Variants in MARCHF1 observed in about 807,000 individuals in gnomAD.
MARCHF1 encodes the protein membrane associated ring-CH-type finger 1.
MARCHF1 carries 40 observed loss-of-function variants against 54.2 expected under a neutral mutation model. The ratio of observed to expected loss-of-function variants is 0.74; its 90% CI spans 0.57 to 0.96. MARCHF1 has a LOEUF of 0.96. Among genes scored for constraint, MARCHF1 ranks in the 40% least tolerant of loss-of-function variants. MARCHF1 has a pLI of 0.00. For missense variants in MARCHF1, 586 were observed against 656.5 expected, an observed-to-expected ratio of 0.89 and a Z score of 1.17; for synonymous variants, 236 against 236.3, an observed-to-expected ratio of 1.00 and a Z score of 0.01.
chr4:164,140,579 A>T (rs1400090640), intron 1 of MARCHF1, among the ~76,000 whole-genome samples: 1 of 152,082 alleles, frequency 6.6e-6, no homozygotes, highest in African/African-American at 2.4e-5. Flanking sequence ...CTTCTATATA[A>T]ACTCCTAATT....
chr4:164,366,497 A>G (rs545807098), intron 1 of MARCHF1, among the ~76,000 whole-genome samples: 1 of 152,056 alleles, frequency 6.6e-6, no homozygotes, highest in South Asian at 2.1e-4. Context: ...AGGAGGAAGC[A>G]GTTTGTCTTA....
chr4:164,246,019 T>G, intron 1 of MARCHF1, among the ~76,000 whole-genome samples: 1 of 40,466 alleles, frequency 2.5e-5, no homozygotes, highest in Non-Finnish European at 6.0e-5. Flanking sequence ...AAAATGGCCA[T>G]ACTGGCCAAG....
rs774603753 is a variant in MARCHF1, at chr4:163,828,054, C to CACACACACACACACACAG, written c.111+25966_111+25967insCTGTGTGTGTGTGTGTGT. Among the ~76,000 whole-genome samples the CACACACACACACACACAG allele has an allele frequency of 2.7e-5, 4 of 148,312 alleles. No homozygotes were observed. In the East Asian group the frequency reaches 6.1e-4, roughly 23 times the overall value. ...ACACACACACACACACACACACACA[C>CACACACACACACACACAG]AGACACACCTTGTCATTCTCCTCCT... On this transcript the variant is annotated intron_variant, in intron 4 of 9. Coordinates refer to ENST00000514618, the MANE Select transcript of MARCHF1 (RefSeq NM_001394959.1).
chr4:164,015,392 G>T (rs1386119699), intron 2 of MARCHF1, among the ~76,000 whole-genome samples: 3 of 152,030 alleles, frequency 2.0e-5, no homozygotes, highest in Admixed American at 1.3e-4. Flanking sequence ...ACATTGATGT[G>T]GGCAAACATT....
At chr4:163,667,740 C>T (rs995072520) in intron 5 of MARCHF1, among the ~76,000 whole-genome samples, 2 of 152,050 alleles carry the variant, frequency 1.3e-5, no homozygotes, top group African/African-American at 4.8e-5. Flanking sequence ...ATTCCCCTGC[C>T]TCAGCCTCCC....
chr4:164,139,492 CA>C (rs10604087), intron 1 of MARCHF1, among the ~76,000 whole-genome samples: 21,563 of 129,548 alleles, frequency 0.17, 1,970 homozygotes, highest in African/African-American at 0.28. Context: ...TATCTAAAGT[CA>C]AAAAAAAAAA....
At chr4:163,956,750 T>C (rs888926570) in intron 3 of MARCHF1, among the ~76,000 whole-genome samples, 1 of 152,102 alleles carries the variant, frequency 6.6e-6, no homozygotes, top group Non-Finnish European at 1.5e-5. Context: ...AACATGGCTT[T>C]CAATATTAAA....
At chr4:163,932,444 G>A in intron 3 of MARCHF1, 2 of 385,916 alleles carry the variant, frequency 5.2e-6, no homozygotes, top group Non-Finnish European at 5.1e-6. Context: ...TAAATCCTTT[G>A]TTGTCATTTC....
At chr4:163,700,943 C>T in intron 4 of MARCHF1, 80 bp from the exon 5 acceptor site, 4 of 945,494 alleles carry the variant, frequency 4.2e-6, no homozygotes, top group East Asian at 5.3e-5. Flanking sequence ...AGAGAAACCA[C>T]AGCACAAGGA....
At chr4:163,893,665 G>A (rs911321405) in intron 3 of MARCHF1, among the ~76,000 whole-genome samples, 1 of 152,158 alleles carries the variant, frequency 6.6e-6, no homozygotes, top group African/African-American at 2.4e-5. Context: ...TGAAATATAT[G>A]TGAGAAAACA....
intron 5 of MARCHF1, among the ~76,000 whole-genome samples, chr4:163,624,156 T>C (rs929836935): frequency 1.1e-4 from 17 of 152,178 alleles, no homozygotes; most frequent in African/African-American, 4.1e-4. Context: ...TCCAAGGCTT[T>C]GGTTAACTGC....
At chr4:163,890,609 A>T (rs1173983198) in intron 3 of MARCHF1, among the ~76,000 whole-genome samples, 1 of 152,192 alleles carries the variant, frequency 6.6e-6, no homozygotes, top group African/African-American at 2.4e-5. Context: ...ATGGGTGAAT[A>T]CAGGTTGACA....
At position 163,567,877 on chromosome 4, in the gene MARCHF1, A is replaced by G. The variant is rs192074958; in HGVS notation, c.1191+17872T>C. ...GCCATATACCTAGAGGAAAAGTACC[A>G]TTTTAACAACCATCTAGAATTTCAC... is the stretch of plus-strand genomic sequence containing the variant. On this transcript the variant is annotated intron_variant, in intron 8 of 9. Coordinates refer to ENST00000514618, the MANE Select transcript of MARCHF1 (RefSeq NM_001394959.1). Among the ~76,000 whole-genome samples, 963 of 152,206 alleles carry G rather than the reference A, an allele frequency of 6.3e-3. 10 individuals are homozygous for G. The highest frequency in any genetic ancestry group is 0.022 in the African/African-American group (919 of 41,518).
intron 3 of MARCHF1, among the ~76,000 whole-genome samples, chr4:163,899,705 A>G (rs1750895344): frequency 6.6e-6 from 1 of 151,592 alleles, no homozygotes; most frequent in South Asian, 2.1e-4. Flanking sequence ...CTCCATTGGG[A>G]TGTCTAATGA....
At chr4:164,215,616 C>G (rs983662774) in intron 1 of MARCHF1, among the ~76,000 whole-genome samples, 5 of 152,168 alleles carry the variant, frequency 3.3e-5, no homozygotes, top group African/African-American at 1.2e-4. Context: ...CCCTTCCCAG[C>G]ACATCCGTTC....
At chr4:163,566,471 C>T (rs1036183812) in intron 8 of MARCHF1, among the ~76,000 whole-genome samples, 1 of 152,214 alleles carries the variant, frequency 6.6e-6, no homozygotes, top group Non-Finnish European at 1.5e-5. Flanking sequence ...TGGCTCCAAC[C>T]TGTGCAGGGC....
chr4:164,340,888 T>C (rs1348282988), intron 1 of MARCHF1, among the ~76,000 whole-genome samples: 1 of 147,762 alleles, frequency 6.8e-6, no homozygotes, highest in Non-Finnish European at 1.5e-5. Flanking sequence ...CAACATTACC[T>C]TGATACCAAA....
intron 2 of MARCHF1, among the ~76,000 whole-genome samples, chr4:164,096,622 T>C (rs1424780744): frequency 1.3e-5 from 2 of 151,784 alleles, no homozygotes; most frequent in Non-Finnish European, 2.9e-5. Context: ...TTGTAAGGAA[T>C]ATGTAAGAGC....
chr4:163,887,654 G>A (rs1463864533), intron 3 of MARCHF1, among the ~76,000 whole-genome samples: 2 of 152,160 alleles, frequency 1.3e-5, no homozygotes, highest in Non-Finnish European at 2.9e-5. Context: ...AGAGGCTGGA[G>A]AGTTGTATTC....
Sources: gnomAD v4.1 joint callset for allele counts (sites outside exome capture counted in the v4.1 genomes callset) on GRCh38, gnomAD v4.1.1 for gene constraint, MANE v1.5 for transcripts, NCBI Gene and HGNC (gene_info 2026-07-23, HGNC 2026-07-21) for gene names.